UBE2K: variants seen among roughly 807,000 people sequenced by gnomAD.
The protein encoded by UBE2K is ubiquitin-conjugating enzyme E2 K.
Under a neutral mutation model 30.0 loss-of-function variants are expected in UBE2K, and 6 were observed. The observed-to-expected ratio is 0.20, with a 90% CI of 0.11 to 0.39. UBE2K has a LOEUF of 0.39. UBE2K is among the 10% of genes least tolerant of loss of function. The pLI is 1.00. For missense variants in UBE2K, 61 were observed against 241.6 expected (o/e 0.25, Z 4.96); for synonymous variants, 86 against 83.7 (o/e 1.03, Z -0.15).
rs546002026 is a variant in UBE2K at position 39,701,859 on chromosome 4, C to T, written c.63+3469C>T. On this transcript the variant is annotated intron_variant, in intron 1 of 6. Coordinates refer to ENST00000261427, the MANE Select transcript of UBE2K (RefSeq NM_005339.5). ...CACCACAACCTCTGCCTCCCAGGTT[C>T]TAGAGATTCTGCCGCCTTAGCCTCC... is the stretch of plus-strand genomic sequence containing the variant. 1.2e-4 allele frequency among the ~76,000 whole-genome samples: 18 copies of T among 151,824 alleles called. No individual in the cohort carries two copies. The South Asian group carries it at 1.9e-3, about 16-fold the overall frequency.
At chr4:39,725,896 G>A (rs1719729236) in intron 1 of UBE2K, among the ~76,000 whole-genome samples, 1 of 152,028 alleles carries the variant, frequency 6.6e-6, no homozygotes, top group Non-Finnish European at 1.5e-5. Context: ...GTCCACCTTG[G>A]CCTTCCAAAG....
Position 39,725,439 on chromosome 4 carries a change from T to A in UBE2K, c.64-11981T>A, listed in dbSNP as rs566016198. ...TGATAGTAAGGTTTCAGTATTCTGT[T>A]GTAGTCTTTTAGTGAATCTGTGTAC... On this transcript the variant is annotated intron_variant, in intron 1 of 6. Transcript: ENST00000261427. Among the ~76,000 whole-genome samples, 3 of 150,980 alleles carry A rather than the reference T, an allele frequency of 2.0e-5. No individual in the cohort carries two copies. The East Asian group carries it at 5.8e-4, about 29-fold the overall frequency.
intron 1 of UBE2K, among the ~76,000 whole-genome samples, chr4:39,718,468 C>T (rs167360): frequency 0.17 from 25,468 of 152,220 alleles, 4,095 homozygotes; most frequent in African/African-American, 0.42. Context: ...GATCTCGCAC[C>T]GGGGCCACAG....
At chr4:39,757,106 A>C (rs969024055) in intron 4 of UBE2K, among the ~76,000 whole-genome samples, 2 of 146,994 alleles carry the variant, frequency 1.4e-5, no homozygotes, top group East Asian at 4.1e-4. Flanking sequence ...GCTCACTGCA[A>C]CCTCTGCCTA....
At chr4:39,698,533 C>T in intron 1 of UBE2K, 143 bp downstream of exon 1, 1 of 741,418 alleles carries the variant, frequency 1.3e-6, no homozygotes, top group Non-Finnish European at 2.4e-6. Context: ...CAGTGTTCCC[C>T]TCCTCCTTCC....
intron 4 of UBE2K, among the ~76,000 whole-genome samples, chr4:39,769,080 C>T (rs1453682207): frequency 6.6e-6 from 1 of 151,964 alleles, no homozygotes; most frequent in African/African-American, 2.4e-5. Context: ...GATCTGCCCA[C>T]CTCAGCCTTC....
chr4:39,728,348 G>C lies in UBE2K; in HGVS notation c.64-9072G>C, dbSNP rs527982226. On this transcript the variant is annotated intron_variant, in intron 1 of 6. Transcript: ENST00000261427. Reference sequence around the variant, plus strand: ...TATTGAGCTGGGAGTGGTGGTTTACGCCTCTAATCCCAACAGTTTGGGAGA... The same window carrying C: ...TATTGAGCTGGGAGTGGTGGTTTACCCCTCTAATCCCAACAGTTTGGGAGA... Among the ~76,000 whole-genome samples the C allele has an allele frequency of 1.1e-4, 16 of 152,236 alleles. 1 individual carries two copies. In the South Asian group the frequency reaches 3.3e-3, roughly 32 times the overall value.
At chr4:39,773,849 A>G (rs986440331) in intron 4 of UBE2K, among the ~76,000 whole-genome samples, 5 of 151,814 alleles carry the variant, frequency 3.3e-5, no homozygotes, top group African/African-American at 1.2e-4. Context: ...TGAACCCGGG[A>G]GGCGGAGCTT....
intron 1 of UBE2K, among the ~76,000 whole-genome samples, chr4:39,728,827 G>GTTTTTTTTTTTTTTTTTTT (rs372834149): frequency 7.8e-6 from 1 of 128,662 alleles, no homozygotes; most frequent in Admixed American, 7.8e-5. Flanking sequence ...TGTTTTTTTT[G>GTTTTTTTTTTTTTTTTTTT]TTTTTTTTTT....
At chr4:39,778,298 A>T (rs771617300) in intron 6 of UBE2K, 62 bp from the exon 7 acceptor site, 2 of 1,094,584 alleles carry the variant, frequency 1.8e-6, no homozygotes, top group Non-Finnish European at 2.8e-6. Flanking sequence ...AGAGTGAATG[A>T]TTCAGTATTG....
chr4:39,752,732 A>T (rs975403859), intron 3 of UBE2K, among the ~76,000 whole-genome samples: 7 of 152,186 alleles, frequency 4.6e-5, no homozygotes, highest in Non-Finnish European at 8.8e-5. Context: ...ATAGAGGTTG[A>T]TTATTCAAAA....
At chr4:39,738,097 G>A (rs1280687518) in intron 2 of UBE2K, among the ~76,000 whole-genome samples, 1 of 152,138 alleles carries the variant, frequency 6.6e-6, no homozygotes, top group African/African-American at 2.4e-5. Flanking sequence ...GTAAGATACA[G>A]AAATAAACCT....
intron 1 of UBE2K, among the ~76,000 whole-genome samples, chr4:39,701,799 C>T (rs901149390): frequency 1.3e-4 from 19 of 151,002 alleles, no homozygotes; most frequent in African/African-American, 4.4e-4. Context: ...CTCGCTGTCT[C>T]GCCCAGACTG....
intron 1 of UBE2K, among the ~76,000 whole-genome samples, chr4:39,711,408 C>T (rs547458641): frequency 1.3e-5 from 2 of 151,752 alleles, no homozygotes; most frequent in East Asian, 1.9e-4. Flanking sequence ...ATGATCCGCC[C>T]GCCTCGGCCT....
intron 1 of UBE2K, among the ~76,000 whole-genome samples, chr4:39,723,256 G>A (rs1719528033): frequency 6.6e-6 from 1 of 150,854 alleles, no homozygotes; most frequent in Non-Finnish European, 1.5e-5. Flanking sequence ...ATATTGCCCA[G>A]GCTGGTCTCG....
chr4:39,777,786 C>A lies in UBE2K; in HGVS notation c.504C>A (p.Asn168Lys), dbSNP rs753277761. 6.5e-7 allele frequency: 1 copy of A among 1,537,446 alleles called. No individual in the cohort carries two copies. Among genetic ancestry groups the A allele is most frequent in the African/African-American group, 1.4e-5 (1 of 70,172 alleles). Reference protein sequence around the residue: ...SSPEYTKKIENLCAMGFDRNA... With the variant: ...SSPEYTKKIEKLCAMGFDRNA... ...CAGAATACACCAAAAAAATAGAAAACCTATGTGCTATGGGCTTTGATAGGG... is the reference window on the plus strand; with the variant it reads ...CAGAATACACCAAAAAAATAGAAAAACTATGTGCTATGGGCTTTGATAGGG... The change falls in exon 6 of 7, where the codon AAC (asparagine) becomes AAA (lysine). Residue 168 changes from asparagine to lysine, a missense_variant. Physicochemically the swap from Asn to Lys is moderately conservative, Grantham distance 94. Coordinates refer to ENST00000261427, the MANE Select transcript of UBE2K (RefSeq NM_005339.5).
chr4:39,740,004 G>A (rs1720606639), intron 2 of UBE2K, among the ~76,000 whole-genome samples: 1 of 152,116 alleles, frequency 6.6e-6, no homozygotes, highest in East Asian at 1.9e-4. Context: ...TGCTTGGCTT[G>A]GTCTGGCAGT....
intron 1 of UBE2K, among the ~76,000 whole-genome samples, chr4:39,698,717 G>A (rs1189269753): frequency 6.6e-6 from 1 of 152,202 alleles, no homozygotes; most frequent in Non-Finnish European, 1.5e-5. Flanking sequence ...TGTGGGGTGG[G>A]GAGGGAGCAG....
chr4:39,708,515 C>T (rs951327016), intron 1 of UBE2K, among the ~76,000 whole-genome samples: 3 of 151,986 alleles, frequency 2.0e-5, no homozygotes, highest in South Asian at 4.1e-4. Context: ...TAGTTACTTT[C>T]CTGACTTCTA....
Sources: gnomAD v4.1 joint callset for allele counts (sites outside exome capture counted in the v4.1 genomes callset) on GRCh38, gnomAD v4.1.1 for gene constraint, MANE v1.5 for transcripts, NCBI Gene and HGNC (gene_info 2026-07-23, HGNC 2026-07-21) for gene names.